APBA1: variants seen among roughly 807,000 people sequenced by gnomAD.
APBA1 encodes the protein amyloid beta precursor protein binding family A member 1.
Under a neutral mutation model 86.6 loss-of-function variants are expected in APBA1, and 55 were observed. The ratio of observed to expected loss-of-function variants is 0.64; its 90% CI spans 0.51 to 0.80. The LOEUF is 0.80. Among genes scored for constraint, APBA1 ranks in the 30% least tolerant of loss-of-function variants. The pLI, the probability that APBA1 is intolerant of heterozygous loss-of-function variation, is 0.00. For missense variants in APBA1, 1,090 were observed against 1,183.0 expected, an observed-to-expected ratio of 0.92 and a Z score of 1.15; for synonymous variants, 511 against 493.9, an observed-to-expected ratio of 1.03 and a Z score of -0.46.
chr9:69,481,321 A>G (rs573097699), intron 2 of APBA1, among the ~76,000 whole-genome samples: 1 of 152,228 alleles, frequency 6.6e-6, no homozygotes, highest in South Asian at 2.1e-4. Flanking sequence ...GCATTCTTAT[A>G]CACCAACAAC....
intron 1 of APBA1, among the ~76,000 whole-genome samples, chr9:69,651,972 C>T (rs1019226389): frequency 2.0e-5 from 3 of 152,306 alleles, no homozygotes; most frequent in African/African-American, 4.8e-5. Flanking sequence ...GTTACATGAA[C>T]TCATATGGAT....
intron 2 of APBA1, among the ~76,000 whole-genome samples, chr9:69,492,440 G>A (rs1013559218): frequency 6.6e-6 from 1 of 151,144 alleles, no homozygotes; most frequent in African/African-American, 2.5e-5. Flanking sequence ...TCTTCATCTC[G>A]TTTCCTTCCT....
intron 1 of APBA1, among the ~76,000 whole-genome samples, chr9:69,563,400 A>C (rs146446398): frequency 1.7e-3 from 266 of 152,334 alleles, no homozygotes; most frequent in African/African-American, 5.9e-3. Context: ...ACAAATAAAA[A>C]GCTGTCCCAG....
intron 2 of APBA1, among the ~76,000 whole-genome samples, chr9:69,512,005 A>T (rs1279017209): frequency 6.6e-6 from 1 of 152,018 alleles, no homozygotes; most frequent in Non-Finnish European, 1.5e-5. Flanking sequence ...GCGCACCAGC[A>T]TGGCACACGT....
At chr9:69,592,281 T>C (rs1304379430) in intron 1 of APBA1, among the ~76,000 whole-genome samples, 1 of 152,206 alleles carries the variant, frequency 6.6e-6, no homozygotes, top group Non-Finnish European at 1.5e-5. Flanking sequence ...ACAAAGCTCA[T>C]GGTTTCTGTA....
chr9:69,524,446 T>G (rs1037533552), intron 1 of APBA1, among the ~76,000 whole-genome samples: 2 of 152,090 alleles, frequency 1.3e-5, no homozygotes, highest in Non-Finnish European at 2.9e-5. Context: ...CAGACTATTA[T>G]GAACACCTCT....
intron 1 of APBA1, among the ~76,000 whole-genome samples, chr9:69,574,189 C>T (rs939817892): frequency 6.6e-6 from 1 of 152,086 alleles, no homozygotes. Flanking sequence ...ATGGTGCATC[C>T]CCCTGGCCTT....
rs1025844529 is a variant in APBA1 at position 69,428,828 on chromosome 9, C to T, written c.*2499G>A. The T allele has an allele frequency of 1.3e-5, 2 of 152,134 alleles. No homozygotes were observed. The highest frequency in any genetic ancestry group is 6.5e-5 in the Admixed American group (1 of 15,274). The allele number at this position is 152,134 out of a possible 1,614,324, so 9.4% of individuals were successfully genotyped here. The stretch of plus-strand genomic sequence containing the variant: ...CCACTTCAGCTGGGTGGACCTGTAC[C>T]GAGCTCCAGCAACTTCCACTCACTG... On this transcript the variant is annotated 3_prime_UTR_variant, in exon 13 of 13. Coordinates refer to ENST00000265381, the MANE Select transcript of APBA1 (RefSeq NM_001163.4).
chr9:69,553,217 G>A (rs1356726491), intron 1 of APBA1, among the ~76,000 whole-genome samples: 6 of 152,016 alleles, frequency 3.9e-5, no homozygotes, highest in Admixed American at 3.9e-4. Context: ...TTTTAATGGA[G>A]GTATAACTTA....
chr9:69,448,698 G>A (rs1340315345), intron 10 of APBA1, among the ~76,000 whole-genome samples: 4 of 151,334 alleles, frequency 2.6e-5, no homozygotes, highest in Non-Finnish European at 4.4e-5. Flanking sequence ...ATGCACATAC[G>A]CACACAGCTA....
At chr9:69,523,583 A>T (rs1340552382) in intron 1 of APBA1, among the ~76,000 whole-genome samples, 1 of 147,814 alleles carries the variant, frequency 6.8e-6, no homozygotes, top group Non-Finnish European at 1.5e-5. Flanking sequence ...GATTCATAAA[A>T]CAAGTTCTTC....
At position 69,584,151 on chromosome 9, in the gene APBA1, T is replaced by C. The variant is rs369846090; in HGVS notation, c.-69-66872A>G. Among the ~76,000 whole-genome samples the C allele has an allele frequency of 1.6e-4, 24 of 152,234 alleles. No individual in the cohort carries two copies. The East Asian group carries it at 4.0e-3, about 26-fold the overall frequency. On this transcript the variant is annotated intron_variant, in intron 1 of 12. Coordinates refer to ENST00000265381, the MANE Select transcript of APBA1 (RefSeq NM_001163.4). ...CCCAACTTCTGCCAGTGAAAGAAAATATTGATTAATCCCAAATAAAAATAT... is the reference window on the plus strand; with the variant it reads ...CCCAACTTCTGCCAGTGAAAGAAAACATTGATTAATCCCAAATAAAAATAT...
intron 2 of APBA1, among the ~76,000 whole-genome samples, chr9:69,497,787 T>C (rs1365628158): frequency 6.6e-6 from 1 of 152,068 alleles, no homozygotes; most frequent in Admixed American, 6.5e-5. Context: ...CACCTTCCCT[T>C]TTACGCCACT....
intron 1 of APBA1, among the ~76,000 whole-genome samples, chr9:69,540,780 G>A (rs1023496369): frequency 6.6e-6 from 1 of 151,960 alleles, no homozygotes; most frequent in Admixed American, 6.6e-5. Context: ...AAATTTTTTT[G>A]TAGAGACTGG....
intron 1 of APBA1, among the ~76,000 whole-genome samples, chr9:69,580,315 A>T (rs1821890384): frequency 6.6e-6 from 1 of 152,148 alleles, no homozygotes; most frequent in African/African-American, 2.4e-5. Flanking sequence ...TTTCAGGGTT[A>T]ACACTGAGTG....
chr9:69,657,420 A>G (rs1454454556), intron 1 of APBA1, among the ~76,000 whole-genome samples: 2 of 152,212 alleles, frequency 1.3e-5, no homozygotes, highest in African/African-American at 4.8e-5. Context: ...CTCTGATGTG[A>G]TGACATGGGA....
intron 1 of APBA1, among the ~76,000 whole-genome samples, chr9:69,658,226 T>TTCTC (rs1179515351): frequency 7.6e-5 from 1 of 13,210 alleles, no homozygotes. Flanking sequence ...CTTTCTCTCT[T>TTCTC]TCTTTCTTTC....
intron 4 of APBA1, among the ~76,000 whole-genome samples, chr9:69,468,435 C>A (rs866658633): frequency 6.6e-6 from 1 of 152,292 alleles, no homozygotes; most frequent in East Asian, 1.9e-4. Flanking sequence ...TTGCCCCCCC[C>A]CATTCATATC....
chr9:69,574,136 G>A (rs1368757618), intron 1 of APBA1, among the ~76,000 whole-genome samples: 1 of 152,102 alleles, frequency 6.6e-6, no homozygotes, highest in Non-Finnish European at 1.5e-5. Context: ...ATATATTTAA[G>A]ACAGACAGGA....
Sources: allele counts gnomAD v4.1 joint callset (sites outside exome capture counted in the v4.1 genomes callset), GRCh38; gene constraint gnomAD v4.1.1; transcripts MANE v1.5; gene names NCBI Gene and HGNC (gene_info 2026-07-23, HGNC 2026-07-21).